Variants in HSD17B12 observed in about 807,000 individuals in gnomAD.
The protein encoded by HSD17B12 is hydroxysteroid 17-beta dehydrogenase 12.
Under a neutral mutation model 39.3 loss-of-function variants are expected in HSD17B12, and 32 were observed. The observed-to-expected ratio is 0.81, with a 90% CI of 0.61 to 1.09. The LOEUF is 1.09. Among genes scored for constraint, HSD17B12 ranks in the 50% least tolerant of loss-of-function variants. HSD17B12 has a pLI of 0.00. For synonymous variants in HSD17B12, 150 were observed against 146.7 expected (o/e 1.02, Z -0.16); for missense variants, 342 against 382.9 (o/e 0.89, Z 0.89).
chr11:43,796,716 T>G (rs901556006), intron 3 of HSD17B12, among the ~76,000 whole-genome samples: 18 of 152,206 alleles, frequency 1.2e-4, no homozygotes, highest in African/African-American at 4.3e-4. Context: ...ATTTCCTGAA[T>G]GTCAATACCT....
chr11:43,830,745 G>A (rs1951300324), intron 6 of HSD17B12: 1 of 329,362 alleles, frequency 3.0e-6, no homozygotes, highest in Non-Finnish European at 5.6e-6. Flanking sequence ...ACTAATTTTA[G>A]CCAGGTTCAT....
intron 1 of HSD17B12, among the ~76,000 whole-genome samples, chr11:43,741,151 C>T (rs1317968058): frequency 6.6e-6 from 1 of 152,092 alleles, no homozygotes; most frequent in Non-Finnish European, 1.5e-5. Context: ...CAAAGATCAA[C>T]CAAGAGATTA....
At chr11:43,709,190 A>G (rs912416442) in intron 1 of HSD17B12, among the ~76,000 whole-genome samples, 12 of 151,934 alleles carry the variant, frequency 7.9e-5, no homozygotes, top group Non-Finnish European at 1.8e-4. Context: ...CAGTGGCATG[A>G]TCTTGGCTCA....
intron 4 of HSD17B12, among the ~76,000 whole-genome samples, chr11:43,813,503 A>C (rs2135074876): frequency 6.6e-6 from 1 of 151,930 alleles, no homozygotes; most frequent in South Asian, 2.1e-4. Context: ...CCTTTCCTGG[A>C]AGATTCTGTT....
At chr11:43,623,092 C>T in the HSD17B12 span, among the ~76,000 whole-genome samples, 1 of 151,994 alleles carries the variant, frequency 6.6e-6, no homozygotes, top group Non-Finnish European at 1.5e-5. Flanking sequence ...AATAGTGTTG[C>T]TCAAGTAATG....
At chr11:43,592,942 T>G in the HSD17B12 span, among the ~76,000 whole-genome samples, 21 of 152,140 alleles carry the variant, frequency 1.4e-4, no homozygotes, top group African/African-American at 3.9e-4. Flanking sequence ...TCCTCACTGG[T>G]TGAGGGAGAA....
intron 3 of HSD17B12, among the ~76,000 whole-genome samples, chr11:43,757,667 A>AAAAAAAC (rs869271362): frequency 1.4e-5 from 2 of 143,368 alleles, no homozygotes; most frequent in African/African-American, 5.2e-5. Context: ...AAAAAAAAAA[A>AAAAAAAC]CAAATAGGTA....
At chr11:43,848,639 T>A (rs1340274715) in intron 9 of HSD17B12, 1 of 152,222 alleles carries the variant, frequency 6.6e-6, no homozygotes, top group Admixed American at 6.5e-5. Context: ...TAAGGAAGAT[T>A]CTATAGCCTC....
Position 43,854,790 on chromosome 11 carries a change from A to G in HSD17B12, c.760A>G (p.Thr254Ala). Residue 254 changes from threonine (T) to alanine (A), a missense_variant, in exon 10 of 11, where the codon ACG becomes GCG. Transcript: ENST00000278353. ...AACTTTGGATAAGCCCTCTCCGGAG[A>G]CGTTTGTGAAGTCTGCAATTAAAAC... is the stretch of plus-strand genomic sequence containing the variant. ...KPTLDKPSPE[T>A]FVKSAIKTVG... 6.2e-7 allele frequency: 1 copy of G among 1,614,152 alleles called. No homozygotes were observed. The highest frequency in any genetic ancestry group is 2.2e-5 in the East Asian group (1 of 44,884).
intron 1 of HSD17B12, among the ~76,000 whole-genome samples, chr11:43,720,400 A>G (rs1950165919): frequency 6.6e-6 from 1 of 152,254 alleles, no homozygotes; most frequent in Non-Finnish European, 1.5e-5. Flanking sequence ...GGTAAATATT[A>G]TTGCAGACAA....
chr11:43,690,237 G>A (rs1188039902), intron 1 of HSD17B12, among the ~76,000 whole-genome samples: 1 of 150,958 alleles, frequency 6.6e-6, no homozygotes, highest in Non-Finnish European at 1.5e-5. Flanking sequence ...GTTAGAATGT[G>A]AGCACTGTAA....
At chr11:43,722,166 C>T (rs1022512386) in intron 1 of HSD17B12, among the ~76,000 whole-genome samples, 3 of 152,102 alleles carry the variant, frequency 2.0e-5, no homozygotes, top group Admixed American at 6.6e-5. Context: ...GGAGCAAGCT[C>T]GAAGTGGGAA....
At chr11:43,754,762 T>C (rs72892445) in intron 3 of HSD17B12, 1 of 603,538 alleles carries the variant, frequency 1.7e-6, no homozygotes, top group Non-Finnish European at 3.0e-6. Flanking sequence ...TGAATGTTTT[T>C]TACTCTTTTT....
intron 6 of HSD17B12, chr11:43,830,601 T>G (rs1951298842): frequency 6.5e-6 from 1 of 154,716 alleles, no homozygotes. Flanking sequence ...AAAGCTTAAG[T>G]CATCTTGGTA....
the HSD17B12 span, among the ~76,000 whole-genome samples, chr11:43,620,673 T>A: frequency 6.6e-6 from 1 of 152,232 alleles, no homozygotes; most frequent in Non-Finnish European, 1.5e-5. Flanking sequence ...CAGCACCCCA[T>A]TGAAATACTA....
At chr11:43,658,286 C>T in the HSD17B12 span, among the ~76,000 whole-genome samples, 49 of 152,120 alleles carry the variant, frequency 3.2e-4, no homozygotes, top group African/African-American at 1.1e-3. Context: ...TCTAGTTATG[C>T]ATTCGTCTAG....
At chr11:43,706,312 G>A (rs1565056515) in intron 1 of HSD17B12, among the ~76,000 whole-genome samples, 2 of 152,184 alleles carry the variant, frequency 1.3e-5, no homozygotes, top group African/African-American at 2.4e-5. Flanking sequence ...GGGAGGCCGA[G>A]GTGGGCAGAT....
chr11:43,559,050 GT>G, the HSD17B12 span, among the ~76,000 whole-genome samples: 4 of 152,130 alleles, frequency 2.6e-5, no homozygotes, highest in African/African-American at 9.7e-5. Context: ...GTAAAACCAG[GT>G]CAGCTGGCCT....
upstream of HSD17B12, among the ~76,000 whole-genome samples, chr11:43,676,345 C>T (rs1416362101): frequency 6.6e-6 from 1 of 151,956 alleles, no homozygotes; most frequent in Non-Finnish European, 1.5e-5. Flanking sequence ...GTATAGAAGT[C>T]TGGACCTCTA....
Sources: allele counts gnomAD v4.1 joint callset (sites outside exome capture counted in the v4.1 genomes callset), GRCh38; gene constraint gnomAD v4.1.1; transcripts MANE v1.5; gene names NCBI Gene and HGNC (gene_info 2026-07-23, HGNC 2026-07-21).